NRXN3: variants seen among roughly 807,000 people sequenced by gnomAD.
NRXN3 encodes neurexin III.
Under a neutral mutation model 137.6 loss-of-function variants are expected in NRXN3, and 32 were observed. That is an observed-to-expected ratio of 0.23 (90% CI 0.18 to 0.31). NRXN3 has a LOEUF of 0.31. NRXN3 is among the 10% of genes least tolerant of loss of function. The pLI, the probability that NRXN3 is intolerant of heterozygous loss-of-function variation, is 1.00. For synonymous variants in NRXN3, 798 were observed against 784.5 expected (o/e 1.02, Z -0.29); for missense variants, 1,574 against 2,062.5 (o/e 0.76, Z 4.59).
chr14:78,725,104 C>A (rs763785810), intron 8 of NRXN3, among the ~76,000 whole-genome samples: 1 of 152,186 alleles, frequency 6.6e-6, no homozygotes, highest in Non-Finnish European at 1.5e-5. Flanking sequence ...AAATCAGAAG[C>A]CTCATGAAAT....
intron 4 of NRXN3, among the ~76,000 whole-genome samples, chr14:78,393,676 T>C (rs1811583616): frequency 6.6e-6 from 1 of 151,984 alleles, no homozygotes; most frequent in Admixed American, 6.6e-5. Context: ...TTGACGGAAA[T>C]TGTGTTAAAT....
At chr14:78,259,143 A>G (rs539527584) in intron 2 of NRXN3, among the ~76,000 whole-genome samples, 40 of 152,022 alleles carry the variant, frequency 2.6e-4, no homozygotes, top group African/African-American at 8.9e-4. Context: ...AAAAAAAAAA[A>G]AAAGAAAGAA....
At chr14:78,288,971 G>C (rs1009573804) in intron 3 of NRXN3, among the ~76,000 whole-genome samples, 8 of 152,156 alleles carry the variant, frequency 5.3e-5, no homozygotes, top group African/African-American at 1.9e-4. Context: ...TGAGTGGGCT[G>C]GTATGATTAC....
intron 15 of NRXN3, among the ~76,000 whole-genome samples, chr14:79,265,231 CT>C (rs936690790): frequency 0.052 from 4,797 of 91,894 alleles, 129 homozygotes; most frequent in South Asian, 0.11. Context: ...GGGGGTTGCT[CT>C]TTTTTTTTTT....
intron 16 of NRXN3, among the ~76,000 whole-genome samples, chr14:79,527,891 GA>G (rs2097135959): frequency 8.0e-6 from 1 of 125,432 alleles, no homozygotes; most frequent in Non-Finnish European, 1.7e-5. Context: ...AAAAAAAAAA[GA>G]AAGAAAAAAG....
chr14:79,771,305 G>C (rs562967534), intron 19 of NRXN3, among the ~76,000 whole-genome samples: 2 of 152,016 alleles, frequency 1.3e-5, no homozygotes, highest in Admixed American at 6.6e-5. Flanking sequence ...TACCAAAGCC[G>C]GGCAGAGACA....
chr14:79,283,555 C>T (rs1466339380), intron 15 of NRXN3, among the ~76,000 whole-genome samples: 5 of 152,126 alleles, frequency 3.3e-5, no homozygotes, highest in African/African-American at 1.2e-4. Flanking sequence ...TGCTTAAAGC[C>T]TTTATCCCAG....
At chr14:79,347,419 C>A (rs937887544) in intron 15 of NRXN3, among the ~76,000 whole-genome samples, 2 of 150,900 alleles carry the variant, frequency 1.3e-5, no homozygotes, top group African/African-American at 4.9e-5. Flanking sequence ...AATGAGGCAA[C>A]GTTTTCCTTT....
chr14:79,080,379 T>C (rs2152752244), intron 15 of NRXN3, among the ~76,000 whole-genome samples: 1 of 152,324 alleles, frequency 6.6e-6, no homozygotes, highest in African/African-American at 2.4e-5. Context: ...AAATAAACTA[T>C]TTTGTTTGAA....
At chr14:79,365,245 A>G (rs988752143) in intron 15 of NRXN3, among the ~76,000 whole-genome samples, 2 of 152,144 alleles carry the variant, frequency 1.3e-5, no homozygotes, top group Non-Finnish European at 2.9e-5. Context: ...CAGTGACACC[A>G]CTGCAGACCG....
intron 16 of NRXN3, chr14:79,661,599 G>C (rs1161748473): frequency 6.6e-6 from 1 of 152,084 alleles, no homozygotes; most frequent in Non-Finnish European, 1.5e-5. Flanking sequence ...GGTGTAGTAG[G>C]TGCTTAATAA....
At chr14:79,198,242 A>G (rs756740834) in intron 15 of NRXN3, among the ~76,000 whole-genome samples, 10 of 152,318 alleles carry the variant, frequency 6.6e-5, no homozygotes, top group Admixed American at 3.9e-4. Flanking sequence ...TCAGTTTTGC[A>G]TATATTTAAA....
intron 10 of NRXN3, among the ~76,000 whole-genome samples, chr14:78,928,350 G>A (rs1334944019): frequency 6.6e-6 from 1 of 151,920 alleles, no homozygotes; most frequent in Admixed American, 6.6e-5. Context: ...TGCACAATGT[G>A]CAGGTTTGTT....
intron 4 of NRXN3, among the ~76,000 whole-genome samples, chr14:78,381,106 A>T (rs1421769197): frequency 1.3e-5 from 2 of 152,220 alleles, no homozygotes; most frequent in Non-Finnish European, 2.9e-5. Context: ...ACTGGCAAAA[A>T]AATGAACCTC....
intron 15 of NRXN3, among the ~76,000 whole-genome samples, chr14:79,365,968 A>G (rs974575080): frequency 2.0e-5 from 3 of 152,086 alleles, no homozygotes; most frequent in African/African-American, 2.4e-5. Flanking sequence ...TTAAACATCT[A>G]TTATGTGACT....
rs1159370186 is a variant in NRXN3 at position 79,388,577 on chromosome 14, T to C, written c.3263-78644T>C. Among the ~76,000 whole-genome samples the C allele has an allele frequency of 2.0e-5, 3 of 152,124 alleles. No individual in the cohort carries two copies. The East Asian group carries it at 5.8e-4, about 30-fold the overall frequency. The stretch of plus-strand genomic sequence containing the variant: ...CCCCATGGTGCTTTGTGGCACATAA[T>C]GACAAAGCATGACAGGCAGGCTCAC... On this transcript the variant is annotated intron_variant, in intron 15 of 20. Coordinates refer to ENST00000335750, the MANE Select transcript of NRXN3 (RefSeq NM_001330195.2).
chr14:79,683,782 A>G (rs2098682291), intron 17 of NRXN3, among the ~76,000 whole-genome samples: 1 of 152,166 alleles, frequency 6.6e-6, no homozygotes, highest in Non-Finnish European at 1.5e-5. Flanking sequence ...TCTCTGGCTC[A>G]GTTCCTTGCC....
chr14:79,367,551 A>G (rs1305307144), intron 15 of NRXN3, among the ~76,000 whole-genome samples: 2 of 152,230 alleles, frequency 1.3e-5, no homozygotes, highest in African/African-American at 4.8e-5. Flanking sequence ...GTTCTGTAAC[A>G]TCACATCAGG....
chr14:79,736,449 C>T (rs1470855077), intron 19 of NRXN3, among the ~76,000 whole-genome samples: 4 of 152,136 alleles, frequency 2.6e-5, no homozygotes, highest in Non-Finnish European at 4.4e-5. Flanking sequence ...ATGGTTTAAG[C>T]CTTCAGCAAA....
Sources: gnomAD v4.1 joint callset for allele counts (sites outside exome capture counted in the v4.1 genomes callset) on GRCh38, gnomAD v4.1.1 for gene constraint, MANE v1.5 for transcripts, NCBI Gene and HGNC (gene_info 2026-07-23, HGNC 2026-07-21) for gene names.